The following ARHGEF38 variants were observed in gnomAD, a reference collection of about 807,000 sequenced individuals.
The protein encoded by ARHGEF38 is Rho guanine nucleotide exchange factor (GEF) 38.
Under a neutral mutation model 79.9 loss-of-function variants are expected in ARHGEF38, and 79 were observed. The ratio of observed to expected loss-of-function variants is 0.99; its 90% CI spans 0.82 to 1.19. ARHGEF38 has a LOEUF of 1.19. Ranked by LOEUF, ARHGEF38 falls within the 50% of genes most tolerant of loss-of-function variation. The probability of loss-of-function intolerance (pLI) is 0.00; values close to 1 mark genes in which losing one functional copy is unlikely to be tolerated. For missense variants in ARHGEF38, 962 were observed against 907.2 expected (o/e 1.06, Z -0.78); for synonymous variants, 366 against 328.3 (o/e 1.11, Z -1.24).
At chr4:105,648,450 T>C in intron 6 of ARHGEF38, 99 bp from the exon 7 acceptor site, 1 of 1,121,718 alleles carries the variant, frequency 8.9e-7, no homozygotes, top group South Asian at 2.0e-5. Flanking sequence ...ATATACATAT[T>C]TATCTTGAAT....
At position 105,577,281 on chromosome 4, in the gene ARHGEF38, G is replaced by A. The variant is rs547786594; in HGVS notation, c.197-11967G>A. ...CCCACCCCACAACAGTCCCCAGAGG[G>A]TGATGTTCCCCTTCCTGTGTCCATG... is the stretch of plus-strand genomic sequence containing the variant. On this transcript the variant is annotated intron_variant, in intron 1 of 13. Transcript: ENST00000420470. Among the ~76,000 whole-genome samples the A allele has an allele frequency of 3.9e-5, 5 of 126,702 alleles. No homozygotes were observed. In the South Asian group the frequency reaches 1.3e-3, roughly 33 times the overall value. The allele number at this position is 126,702 out of a possible 152,430, so 83.1% of individuals were successfully genotyped here.
At chr4:105,676,663 A>C (rs773952453) in intron 13 of ARHGEF38, among the ~76,000 whole-genome samples, 4 of 152,192 alleles carry the variant, frequency 2.6e-5, no homozygotes, top group Non-Finnish European at 4.4e-5. Context: ...TAATAATTAT[A>C]AATTGTTCTT....
chr4:105,617,431 T>C (rs1434898975), intron 3 of ARHGEF38, among the ~76,000 whole-genome samples: 1 of 152,172 alleles, frequency 6.6e-6, no homozygotes, highest in African/African-American at 2.4e-5. Flanking sequence ...ATACACAAAA[T>C]TAGAGTGAAT....
chr4:105,676,648 G>A (rs563696840), intron 13 of ARHGEF38, among the ~76,000 whole-genome samples: 3 of 152,116 alleles, frequency 2.0e-5, no homozygotes, highest in Admixed American at 6.5e-5. Flanking sequence ...GGCTTCTTAC[G>A]CACTTAATAA....
At chr4:105,612,505 A>C (rs1354817182) in intron 2 of ARHGEF38, among the ~76,000 whole-genome samples, 1 of 152,148 alleles carries the variant, frequency 6.6e-6, no homozygotes, top group African/African-American at 2.4e-5. Flanking sequence ...CTGTTCCCTG[A>C]TGTAGCCCAG....
chr4:105,618,165 T>C (rs1728584038), intron 3 of ARHGEF38, among the ~76,000 whole-genome samples: 1 of 152,248 alleles, frequency 6.6e-6, no homozygotes, highest in African/African-American at 2.4e-5. Context: ...GCTCAATAGA[T>C]ATTTCCTTGC....
chr4:105,629,982 G>A (rs1471797400), intron 3 of ARHGEF38, among the ~76,000 whole-genome samples: 1 of 152,026 alleles, frequency 6.6e-6, no homozygotes, highest in Non-Finnish European at 1.5e-5. Context: ...AGTAAATATT[G>A]AAAAATACTT....
At chr4:105,625,683 A>G (rs1728914074) in intron 3 of ARHGEF38, among the ~76,000 whole-genome samples, 1 of 152,220 alleles carries the variant, frequency 6.6e-6, no homozygotes, top group South Asian at 2.1e-4. Context: ...TTTCATTTAT[A>G]TCCCACTGTG....
Position 105,655,302 on chromosome 4 carries a change from A to G in ARHGEF38, c.1114-301A>G, listed in dbSNP as rs114278860. Among the ~76,000 whole-genome samples the G allele has an allele frequency of 5.9e-3, 893 of 152,344 alleles. 8 individuals carry two copies. The highest frequency in any genetic ancestry group is 0.02 in the African/African-American group (830 of 41,580). The stretch of plus-strand genomic sequence containing the variant: ...AAATCAAAGAGGAGTGATTTTTAAA[A>G]TAAGAAATTTGTAAGAATTGCAAGC... On this transcript the variant is annotated intron_variant, in intron 8 of 13. Transcript: ENST00000420470.
chr4:105,616,391 A>G (rs776975340), intron 3 of ARHGEF38, among the ~76,000 whole-genome samples: 13 of 152,176 alleles, frequency 8.5e-5, no homozygotes, highest in Non-Finnish European at 1.9e-4. Flanking sequence ...GGGAGGCCTC[A>G]GGAAACTTAC....
intron 3 of ARHGEF38, among the ~76,000 whole-genome samples, chr4:105,625,830 C>A (rs1360860714): frequency 2.0e-5 from 3 of 152,184 alleles, no homozygotes; most frequent in African/African-American, 7.2e-5. Flanking sequence ...GTCACCCACC[C>A]CACCAACTTA....
intron 1 of ARHGEF38, among the ~76,000 whole-genome samples, chr4:105,583,267 A>G (rs1726881078): frequency 6.6e-6 from 1 of 152,192 alleles, no homozygotes; most frequent in East Asian, 1.9e-4. Flanking sequence ...TCTAAAGTTC[A>G]TTAATGTCTT....
At chr4:105,592,113 A>T (rs116487680) in intron 2 of ARHGEF38, among the ~76,000 whole-genome samples, 3,647 of 152,130 alleles carry the variant, frequency 0.024, 165 homozygotes, top group African/African-American at 0.083. Context: ...TCTTTGAAAA[A>T]TTTGGAACCT....
At chr4:105,607,863 G>T (rs1273618746) in intron 2 of ARHGEF38, among the ~76,000 whole-genome samples, 1 of 152,052 alleles carries the variant, frequency 6.6e-6, no homozygotes, top group Non-Finnish European at 1.5e-5. Context: ...TTTGCCACCA[G>T]GCTTAGCTTT....
intron 9 of ARHGEF38, 84 bp from the exon 10 acceptor site, chr4:105,658,969 GA>G (rs992540331): frequency 6.6e-5 from 79 of 1,198,954 alleles, no homozygotes; most frequent in Admixed American, 2.9e-4. Context: ...TCTCGTGGGG[GA>G]AAAGGTAAAC....
intron 13 of ARHGEF38, among the ~76,000 whole-genome samples, chr4:105,674,898 T>C (rs1298160775): frequency 6.6e-6 from 1 of 152,116 alleles, no homozygotes; most frequent in Admixed American, 6.5e-5. Flanking sequence ...TAGTAGGCAA[T>C]CTAACCTGCT....
At chr4:105,556,126 C>T (rs78209977) in intron 1 of ARHGEF38, among the ~76,000 whole-genome samples, 249 of 152,182 alleles carry the variant, frequency 1.6e-3, no homozygotes, top group Non-Finnish European at 3.1e-3. Context: ...ATATGTTATA[C>T]CTTGTTCTTT....
chr4:105,679,434 A>G lies in ARHGEF38; in HGVS notation c.*1497A>G. ...TCTAAGTTCTTTCCAAGCACAGCTG[A>G]CATCCTGTATTTCCTCTAGGCTTTC... On this transcript the variant is annotated 3_prime_UTR_variant, in exon 14 of 14. Coordinates refer to ENST00000420470, the MANE Select transcript of ARHGEF38 (RefSeq NM_001242729.2). 1 of 1,587,572 alleles carries G rather than the reference A, an allele frequency of 6.3e-7. No homozygotes were observed. Among genetic ancestry groups the G allele is most frequent in the Non-Finnish European group, 8.6e-7 (1 of 1,158,396 alleles).
intron 1 of ARHGEF38, among the ~76,000 whole-genome samples, chr4:105,571,538 G>A (rs1726234233): frequency 6.6e-6 from 1 of 151,892 alleles, no homozygotes; most frequent in Admixed American, 6.6e-5. Context: ...GGCCAGGCTG[G>A]TCTCAAACTC....
Sources: allele counts gnomAD v4.1 joint callset (sites outside exome capture counted in the v4.1 genomes callset), GRCh38; gene constraint gnomAD v4.1.1; transcripts MANE v1.5; gene names NCBI Gene and HGNC (gene_info 2026-07-23, HGNC 2026-07-21).